RAB3GAP1: variants seen among roughly 807,000 people sequenced by gnomAD.
The protein encoded by RAB3GAP1 is rab3 GTPase-activating protein catalytic subunit.
In RAB3GAP1, 86 loss-of-function variants were observed where a neutral mutation model predicts 130.7. The observed-to-expected ratio is 0.66, with a 90% CI of 0.55 to 0.79. RAB3GAP1 has a LOEUF of 0.79. Among genes scored for constraint, RAB3GAP1 ranks in the 30% least tolerant of loss-of-function variants. The pLI, the probability that RAB3GAP1 is intolerant of heterozygous loss-of-function variation, is 0.00. For synonymous variants in RAB3GAP1, 367 were observed against 401.7 expected (o/e 0.91, Z 1.03); for missense variants, 1,029 against 1,169.4 (o/e 0.88, Z 1.75).
chr2:135,174,132 G>C (rs1178892897), downstream of RAB3GAP1, among the ~76,000 whole-genome samples: 1 of 152,240 alleles, frequency 6.6e-6, no homozygotes, highest in African/African-American at 2.4e-5. Context: ...TGTCTGACAG[G>C]TGGTCATGGA....
chr2:135,069,621 A>AT (rs888678833), intron 3 of RAB3GAP1, among the ~76,000 whole-genome samples: 1 of 152,042 alleles, frequency 6.6e-6, no homozygotes, highest in Non-Finnish European at 1.5e-5. Flanking sequence ...TAAAATATTA[A>AT]TTTTTTCTCT....
At chr2:135,164,207 AC>A (rs1385024500) in intron 22 of RAB3GAP1, among the ~76,000 whole-genome samples, 4 of 152,228 alleles carry the variant, frequency 2.6e-5, no homozygotes, top group African/African-American at 9.6e-5. Context: ...CTTAAAAAAA[AC>A]AAAAACAAAT....
intron 7 of RAB3GAP1, among the ~76,000 whole-genome samples, chr2:135,117,504 TCTTCTTCTGCTTCTTCTGCTTCTTCTG>T (rs1355437292): frequency 7.3e-6 from 1 of 136,918 alleles, no homozygotes; most frequent in African/African-American, 2.9e-5. Context: ...TGCTTCTTCT[TCTTCTTCTGCTTCTTCTGCTTCTTCTG>T]CTTCTTCTTC....
rs1200339734 is a variant in RAB3GAP1, at chr2:135,163,111, A to G, written c.2606+10A>G. 6.3e-7 allele frequency: 1 copy of G among 1,592,960 alleles called. No homozygotes were observed. The highest frequency in any genetic ancestry group is 8.6e-7 in the Non-Finnish European group (1 of 1,160,720). ...AGGAAGATCTTGAAAGGTAATTGCT[A>G]TTTGGCTAATTCAGTTTTGTCTGCA... is the stretch of plus-strand genomic sequence containing the variant. On this transcript the variant is annotated intron_variant, in intron 22 of 23. Transcript: ENST00000264158.
intron 3 of RAB3GAP1, among the ~76,000 whole-genome samples, chr2:135,080,064 C>T (rs1257943385): frequency 5.8e-5 from 8 of 138,192 alleles, no homozygotes; most frequent in Admixed American, 1.7e-4. Context: ...TTGCAGTGAG[C>T]GGAGATCGCA....
chr2:135,124,234 A>C lies in RAB3GAP1; in HGVS notation c.818A>C (p.Glu273Ala), dbSNP rs1313301108. The C allele has an allele frequency of 1.9e-6, 3 of 1,613,900 alleles. No homozygotes were observed. The East Asian group carries it at 6.7e-5, about 36-fold the overall frequency. ...EFGKLPFGACEDPISELHLAT... is the reference protein window; with the variant it reads ...EFGKLPFGACADPISELHLAT... Reference sequence around the variant, plus strand: ...GGCAAGTTACCATTTGGTGCCTGCGAAGATCCTATTAGGTGAGAATTTCAA... The same window carrying C: ...GGCAAGTTACCATTTGGTGCCTGCGCAGATCCTATTAGGTGAGAATTTCAA... The change falls in exon 9 of 24, where the codon GAA becomes GCA. Residue 273 changes from glutamate to alanine, a missense_variant. Around this residue, in one of 3 missense-constraint regions of RAB3GAP1, gnomAD observed 510 missense variants for 532.1 expected, o/e 0.96. Coordinates refer to ENST00000264158, the MANE Select transcript of RAB3GAP1 (RefSeq NM_012233.3).
chr2:135,117,747 TCTGCTTCTGCTTCTTCTGCTG>T (rs1691063497), intron 7 of RAB3GAP1, among the ~76,000 whole-genome samples: 1 of 86,462 alleles, frequency 1.2e-5, no homozygotes, highest in Non-Finnish European at 2.6e-5. Flanking sequence ...TGCTTCTTCT[TCTGCTTCTGCTTCTTCTGCTG>T]CTTCTTCTGC....
At chr2:135,165,699 A>G (rs1469910728) in intron 23 of RAB3GAP1, among the ~76,000 whole-genome samples, 3 of 152,230 alleles carry the variant, frequency 2.0e-5, no homozygotes, top group African/African-American at 7.2e-5. Flanking sequence ...CTAGCAAACA[A>G]TAGATGCTTG....
intron 9 of RAB3GAP1, among the ~76,000 whole-genome samples, chr2:135,124,590 G>A (rs569098044): frequency 1.3e-5 from 2 of 152,226 alleles, no homozygotes; most frequent in African/African-American, 2.4e-5. Flanking sequence ...ACTTGAACCC[G>A]GCAGGCAGAG....
intron 3 of RAB3GAP1, among the ~76,000 whole-genome samples, chr2:135,068,169 G>A (rs1689374282): frequency 1.3e-5 from 2 of 152,174 alleles, no homozygotes; most frequent in South Asian, 4.1e-4. Context: ...TCAGTTAAAA[G>A]CATAGCACCT....
rs1427874543 is a variant in RAB3GAP1, at chr2:135,169,993, A to T, written c.*1212A>T. On this transcript the variant is annotated 3_prime_UTR_variant, in exon 24 of 24. Coordinates refer to ENST00000264158, the MANE Select transcript of RAB3GAP1 (RefSeq NM_012233.3). ...TTTTTGTAAAAAAAAAAAAAAATAC[A>T]TATCTATATATAATATGTGTGTGTG... 7.3e-6 allele frequency: 2 copies of T among 275,008 alleles called. No homozygotes were observed. The highest frequency in any genetic ancestry group is 4.5e-5 in the African/African-American group (2 of 44,418). The allele number at this position is 275,008 out of a possible 1,614,324, so 17.0% of individuals were successfully genotyped here. A position where few individuals can be genotyped will look rare whatever the true frequency, so the allele number is the denominator to read the frequency against.
At chr2:135,155,968 T>G (rs917537650) in intron 19 of RAB3GAP1, among the ~76,000 whole-genome samples, 1 of 151,916 alleles carries the variant, frequency 6.6e-6, no homozygotes, top group Non-Finnish European at 1.5e-5. Context: ...AGCACATATA[T>G]ATAATAAAAT....
rs140436634 is a variant in RAB3GAP1 at position 135,086,250 on chromosome 2, AG to A, written c.151-4746del. On this transcript the variant is annotated intron_variant, in intron 3 of 23. Transcript: ENST00000264158. ...GTATATTCTTAGGAGTGGAGTTGCT[AG>A]GTCTTAGGGTAGTTACATGTTTACT... Among the ~76,000 whole-genome samples the A allele has an allele frequency of 5.6e-3, 852 of 152,216 alleles. 7 individuals are homozygous for A. The highest frequency in any genetic ancestry group is 0.02 in the African/African-American group (811 of 41,520).
chr2:135,090,169 A>G (rs956187001), intron 3 of RAB3GAP1, among the ~76,000 whole-genome samples: 2 of 151,954 alleles, frequency 1.3e-5, no homozygotes, highest in African/African-American at 4.8e-5. Flanking sequence ...TACTTACGTA[A>G]TAATACACAC....
chr2:135,153,664 T>G lies in RAB3GAP1; in HGVS notation c.2077T>G (p.Cys693Gly). Residue 693 changes from cysteine to glycine, a missense_variant, in exon 19 of 24, where the codon TGC becomes GGC. By Grantham distance (159) the Cys-to-Gly change is radical (BLOSUM62 -3). Transcript: ENST00000264158. ...MESFKAANPG[C>G]SLEDFVRWYS... ...CTTATTTTAGGCAGCTAATCCAGGT[T>G]GCTCCCTGGAAGATTTTGTGAGGTG... 9.9e-6 allele frequency: 16 copies of G among 1,613,894 alleles called. No homozygotes were observed. The highest frequency in any genetic ancestry group is 1.4e-5 in the Non-Finnish European group (16 of 1,179,770).
chr2:135,149,613 AAAT>A (rs1343737253), intron 17 of RAB3GAP1, among the ~76,000 whole-genome samples: 3 of 152,218 alleles, frequency 2.0e-5, no homozygotes, highest in Non-Finnish European at 4.4e-5. Flanking sequence ...TGTAGAGAAA[AAAT>A]AAAAACTCAT....
chr2:135,083,773 T>TG (rs1187251280), intron 3 of RAB3GAP1, among the ~76,000 whole-genome samples: 1 of 149,466 alleles, frequency 6.7e-6, no homozygotes, highest in Non-Finnish European at 1.5e-5. Flanking sequence ...CACGGTTTTT[T>TG]TTTTTTTTTT....
chr2:135,119,619 A>G (rs1197217909), intron 7 of RAB3GAP1, among the ~76,000 whole-genome samples: 2 of 152,270 alleles, frequency 1.3e-5, no homozygotes, highest in East Asian at 3.9e-4. Flanking sequence ...CCCAAAACTG[A>G]ATTAGGTTTT....
At chr2:135,121,883 G>A (rs1381936420) in intron 8 of RAB3GAP1, among the ~76,000 whole-genome samples, 1 of 151,940 alleles carries the variant, frequency 6.6e-6, no homozygotes, top group African/African-American at 2.4e-5. Context: ...ACCTGAGGTC[G>A]GGAGTTCACG....
Sources: gnomAD v4.1 joint callset for allele counts (sites outside exome capture counted in the v4.1 genomes callset) on GRCh38, gnomAD v4.1.1 for gene constraint, gnomAD v4.1.1 regional missense constraint, MANE v1.5 for transcripts, NCBI Gene and HGNC (gene_info 2026-07-23, HGNC 2026-07-21) for gene names.